The following GCNT2 variants were observed in gnomAD, a reference collection of about 807,000 sequenced individuals.
The protein encoded by GCNT2 is glucosaminyl (N-acetyl) transferase 2 (I blood group), also known as N-acetyllactosaminide beta-1,6-N-acetylglucosaminyl-transferase.
In GCNT2, 34 loss-of-function variants were observed where a neutral mutation model predicts 34.2. That is an observed-to-expected ratio of 1.00 (90% CI 0.76 to 1.32). The LOEUF (loss-of-function observed/expected upper bound fraction) is 1.32. GCNT2 is among the 40% of genes most tolerant of loss of function. The pLI is 0.00. For synonymous variants in GCNT2, 212 were observed against 188.0 expected (o/e 1.13, Z -1.04); for missense variants, 584 against 489.4 (o/e 1.19, Z -1.82).
intron 3 of GCNT2, among the ~76,000 whole-genome samples, chr6:10,606,118 C>G (rs577606662): frequency 1.3e-5 from 2 of 152,210 alleles, no homozygotes; most frequent in Non-Finnish European, 2.9e-5. Context: ...AGTTTGAGAC[C>G]AGCCTGGCCA....
At chr6:10,582,495 TATA>T (rs1561816830) in intron 3 of GCNT2, among the ~76,000 whole-genome samples, 2 of 123,790 alleles carry the variant, frequency 1.6e-5, no homozygotes, top group Non-Finnish European at 3.2e-5. Context: ...TACTATAATA[TATA>T]ATATAATACA....
chr6:10,606,668 A>AATTTAATGGAAATTTCCATTAAAGAC, intron 3 of GCNT2, among the ~76,000 whole-genome samples: 1 of 151,094 alleles, frequency 6.6e-6, no homozygotes, highest in African/African-American at 2.4e-5. Flanking sequence ...CCATTAAAGA[A>AATTTAATGGAAATTTCCATTAAAGAC]ATTTAATAGT....
chr6:10,581,282 T>C (rs2127407041), intron 3 of GCNT2, among the ~76,000 whole-genome samples: 1 of 151,828 alleles, frequency 6.6e-6, no homozygotes, highest in South Asian at 2.1e-4. Context: ...TTATTTTTTA[T>C]TTTTTGAGAT....
intron 3 of GCNT2, among the ~76,000 whole-genome samples, chr6:10,611,978 GTT>G (rs377351513): frequency 6.8e-6 from 1 of 147,454 alleles, no homozygotes; most frequent in Non-Finnish European, 1.5e-5. Context: ...TTTTTGTGGG[GTT>G]TTTTTTTTGT....
Position 10,556,263 on chromosome 6 carries a change from A to T in GCNT2, c.925+26427A>T, listed in dbSNP as rs946099999. ...ATATCGGCACAGGGACAGAGACAGCAGCTGGACTCTCGGGATGAAACGGAA... is the reference window on the plus strand; with the variant it reads ...ATATCGGCACAGGGACAGAGACAGCTGCTGGACTCTCGGGATGAAACGGAA... On this transcript the variant is annotated intron_variant, in intron 3 of 4. Coordinates refer to ENST00000495262, the MANE Select transcript of GCNT2 (RefSeq NM_145649.5). 1.7e-5 allele frequency: 25 copies of T among 1,481,194 alleles called. No individual in the cohort carries two copies. The African/African-American group carries it at 3.2e-4, about 19-fold the overall frequency. The allele number at this position is 1,481,194 out of a possible 1,614,324, so 91.8% of individuals were successfully genotyped here.
chr6:10,603,936 A>G (rs1581472465), intron 3 of GCNT2, among the ~76,000 whole-genome samples: 1 of 139,666 alleles, frequency 7.2e-6, no homozygotes, highest in East Asian at 2.2e-4. Context: ...TTGCTCTATC[A>G]CCAGGCTGGA....
intron 3 of GCNT2, among the ~76,000 whole-genome samples, chr6:10,549,709 GTC>G (rs1762409873): frequency 6.6e-6 from 1 of 151,070 alleles, no homozygotes; most frequent in Admixed American, 6.6e-5. Context: ...GTAGCTCTCT[GTC>G]TCTCTTTTAA....
At chr6:10,592,200 A>T (rs1764681229) in intron 3 of GCNT2, among the ~76,000 whole-genome samples, 1 of 152,252 alleles carries the variant, frequency 6.6e-6, no homozygotes, top group African/African-American at 2.4e-5. Context: ...TTCTGGCTGA[A>T]GGAGAAATTC....
At position 10,559,595 on chromosome 6, in the gene GCNT2, A is replaced by G. The variant is rs981939126; in HGVS notation, c.925+29759A>G. Among the ~76,000 whole-genome samples the G allele has an allele frequency of 3.9e-5, 6 of 152,250 alleles. No homozygotes were observed. In the South Asian group the frequency reaches 6.2e-4, roughly 16 times the overall value. The stretch of plus-strand genomic sequence containing the variant: ...CCTCCCACGCTGCTAGTGGGAATCT[A>G]TAGAGAGAAAGGCAGAAGGGCTGGT... On this transcript the variant is annotated intron_variant, in intron 3 of 4. Coordinates refer to ENST00000495262, the MANE Select transcript of GCNT2 (RefSeq NM_145649.5).
intron 3 of GCNT2, chr6:10,581,746 C>T (rs886807459): frequency 1.8e-5 from 18 of 984,988 alleles, no homozygotes; most frequent in Non-Finnish European, 2.0e-5. Flanking sequence ...GGGAAAAAAC[C>T]GACTGAACCT....
chr6:10,601,368 G>A (rs992122356), intron 3 of GCNT2, among the ~76,000 whole-genome samples: 3 of 152,088 alleles, frequency 2.0e-5, no homozygotes, highest in African/African-American at 7.2e-5. Context: ...TTAATTGGAA[G>A]AACAAGAACA....
At chr6:10,530,811 T>C (rs1761451686) in intron 3 of GCNT2, among the ~76,000 whole-genome samples, 2 of 152,004 alleles carry the variant, frequency 1.3e-5, no homozygotes, top group African/African-American at 4.8e-5. Flanking sequence ...TCCCAGCACT[T>C]TGGGAGGCTG....
At chr6:10,550,683 A>C (rs773439704) in intron 3 of GCNT2, among the ~76,000 whole-genome samples, 2 of 152,096 alleles carry the variant, frequency 1.3e-5, no homozygotes, top group Admixed American at 6.6e-5. Context: ...AGGTCTCACT[A>C]TGTTGCTCAA....
chr6:10,606,675 T>TGGAAATTTCCAGTAAAGAAATTTAATGG (rs1765331154), intron 3 of GCNT2, among the ~76,000 whole-genome samples: 1 of 149,492 alleles, frequency 6.7e-6, no homozygotes, highest in African/African-American at 2.5e-5. Flanking sequence ...AGAAATTTAA[T>TGGAAATTTCCAGTAAAGAAATTTAATGG]AGTGGTTGAG....
chr6:10,602,120 T>C (rs1765116261), intron 3 of GCNT2, among the ~76,000 whole-genome samples: 1 of 152,158 alleles, frequency 6.6e-6, no homozygotes, highest in South Asian at 2.1e-4. Flanking sequence ...ACAAAGTTAT[T>C]TAAATATTAC....
chr6:10,562,923 C>A (rs1322606584), intron 3 of GCNT2, among the ~76,000 whole-genome samples: 1 of 152,088 alleles, frequency 6.6e-6, no homozygotes, highest in East Asian at 1.9e-4. Context: ...CTTTGGGAGA[C>A]TGAGGTGGGT....
At chr6:10,567,439 AGAGCAAG>A (rs1239772324) in intron 3 of GCNT2, among the ~76,000 whole-genome samples, 1 of 152,246 alleles carries the variant, frequency 6.6e-6, no homozygotes, top group Non-Finnish European at 1.5e-5. Flanking sequence ...CCCTGGCAAC[AGAGCAAG>A]ATGCTATCTC....
At chr6:10,552,478 T>A (rs757858034) in intron 3 of GCNT2, among the ~76,000 whole-genome samples, 2 of 151,732 alleles carry the variant, frequency 1.3e-5, no homozygotes, top group Non-Finnish European at 2.9e-5. Flanking sequence ...GCTTCTGTAC[T>A]GAATATGTAC....
chr6:10,567,077 G>C (rs1763314591), intron 3 of GCNT2, among the ~76,000 whole-genome samples: 1 of 152,182 alleles, frequency 6.6e-6, no homozygotes, highest in Non-Finnish European at 1.5e-5. Context: ...CCAGCACTTT[G>C]GGAGGCCAAG....
Sources: allele counts gnomAD v4.1 joint callset (sites outside exome capture counted in the v4.1 genomes callset), GRCh38; gene constraint gnomAD v4.1.1; transcripts MANE v1.5; gene names NCBI Gene and HGNC (gene_info 2026-07-23, HGNC 2026-07-21).